The following SGCZ variants were observed in gnomAD, a reference collection of about 807,000 sequenced individuals.
SGCZ encodes the protein sarcoglycan zeta.
A neutral mutation model predicts 41.3 loss-of-function variants in SGCZ; 40 were observed. The observed-to-expected ratio is 0.97, with a 90% CI of 0.75 to 1.26. SGCZ has a LOEUF of 1.26. Ranked by LOEUF, SGCZ falls within the 50% of genes most tolerant of loss-of-function variation. The pLI is 0.00. For missense variants in SGCZ, 552 were observed against 369.8 expected (o/e 1.49, Z -4.04); for synonymous variants, 206 against 137.5 (o/e 1.50, Z -3.49).
Position 14,302,310 on chromosome 8 carries a change from A to G in SGCZ, c.336+21793T>C, listed in dbSNP as rs949798074. Among the ~76,000 whole-genome samples the G allele has an allele frequency of 3.9e-4, 60 of 152,298 alleles. 1 individual carries two copies. Among genetic ancestry groups the G allele is most frequent in the African/African-American group, 1.4e-3 (58 of 41,562 alleles). On this transcript the variant is annotated intron_variant, in intron 3 of 7. Transcript: ENST00000382080. ...TTCTCTTGAATTGATTGAACACGTA[A>G]TCTTGACTAATCCAGGTCACCCTTA... is the stretch of plus-strand genomic sequence containing the variant.
chr8:14,634,914 A>G (rs371411640), intron 1 of SGCZ, among the ~76,000 whole-genome samples: 5 of 151,932 alleles, frequency 3.3e-5, no homozygotes, highest in Non-Finnish European at 4.4e-5. Context: ...TTAAAAATAT[A>G]TACATAGTAA....
intron 1 of SGCZ, among the ~76,000 whole-genome samples, chr8:14,698,722 A>G (rs1233227465): frequency 1.3e-5 from 2 of 151,952 alleles, no homozygotes; most frequent in African/African-American, 4.8e-5. Flanking sequence ...AATCAGCACA[A>G]GTATGTTGTG....
chr8:15,018,749 G>T (rs1009938982), intron 1 of SGCZ, among the ~76,000 whole-genome samples: 2 of 152,178 alleles, frequency 1.3e-5, no homozygotes, highest in East Asian at 1.9e-4. Flanking sequence ...GTAGTAGTCC[G>T]TTCTCACACT....
intron 1 of SGCZ, among the ~76,000 whole-genome samples, chr8:14,756,125 G>C (rs1335548081): frequency 6.6e-6 from 1 of 151,854 alleles, no homozygotes; most frequent in Non-Finnish European, 1.5e-5. Flanking sequence ...AGAAATAAAG[G>C]ATAGGCTGGG....
At chr8:14,815,527 A>G (rs1801877747) in intron 1 of SGCZ, among the ~76,000 whole-genome samples, 4 of 152,174 alleles carry the variant, frequency 2.6e-5, no homozygotes, top group Admixed American at 6.5e-5. Flanking sequence ...GGAATAAATC[A>G]CTATGAATTC....
Position 14,964,162 on chromosome 8 carries a change from T to A in SGCZ, c.39+273423A>T, listed in dbSNP as rs118070179. Among the ~76,000 whole-genome samples, 378 of 152,326 alleles carry A rather than the reference T, an allele frequency of 2.5e-3. 6 individuals carry two copies. The East Asian group carries it at 0.025, about 10-fold the overall frequency. On this transcript the variant is annotated intron_variant, in intron 1 of 7. Transcript: ENST00000382080. ...CACTTCTTCCATTAAGTGATTTTTG[T>A]CACTACTGTTATTGCTAGATCACTT...
intron 1 of SGCZ, among the ~76,000 whole-genome samples, chr8:14,873,630 T>A (rs1448592940): frequency 6.6e-6 from 1 of 152,096 alleles, no homozygotes; most frequent in Non-Finnish European, 1.5e-5. Flanking sequence ...ACAGAGTATC[T>A]ACAATCAACC....
At chr8:14,558,441 G>C (rs1804099101) in intron 1 of SGCZ, among the ~76,000 whole-genome samples, 1 of 152,010 alleles carries the variant, frequency 6.6e-6, no homozygotes, top group Non-Finnish European at 1.5e-5. Context: ...TGGGTGTGGT[G>C]GTGGGTGCCT....
chr8:14,675,350 T>A (rs549629733), intron 1 of SGCZ, among the ~76,000 whole-genome samples: 103 of 152,050 alleles, frequency 6.8e-4, no homozygotes, highest in African/African-American at 2.4e-3. Flanking sequence ...CAAACATTTC[T>A]CTCTTTAGAA....
intron 2 of SGCZ, among the ~76,000 whole-genome samples, chr8:14,335,509 TCCGTTATA>T (rs1802478185): frequency 6.6e-6 from 1 of 152,152 alleles, no homozygotes; most frequent in African/African-American, 2.4e-5. Flanking sequence ...TAACATCTTA[TCCGTTATA>T]CCTTATTATA....
intron 1 of SGCZ, among the ~76,000 whole-genome samples, chr8:15,162,493 C>T (rs1377061025): frequency 6.6e-6 from 1 of 152,220 alleles, no homozygotes; most frequent in East Asian, 1.9e-4. Flanking sequence ...GATACTCCTT[C>T]ATGACTCAGT....
chr8:14,993,093 T>C (rs756854243), intron 1 of SGCZ, among the ~76,000 whole-genome samples: 6 of 152,210 alleles, frequency 3.9e-5, no homozygotes, highest in Non-Finnish European at 5.9e-5. Flanking sequence ...TCATACATCC[T>C]CTTCATACTA....
chr8:14,623,594 T>A (rs187032036), intron 1 of SGCZ, among the ~76,000 whole-genome samples: 1 of 152,310 alleles, frequency 6.6e-6, no homozygotes, highest in African/African-American at 2.4e-5. Context: ...TTCCTTTTAT[T>A]AGGATCTTAG....
chr8:14,395,091 C>G (rs11989327), intron 2 of SGCZ, among the ~76,000 whole-genome samples: 25,537 of 152,068 alleles, frequency 0.17, 5,065 homozygotes, highest in African/African-American at 0.48. Flanking sequence ...ACTTAAAACT[C>G]TAAGGAACAT....
At chr8:15,115,260 G>C (rs569671323) in intron 1 of SGCZ, among the ~76,000 whole-genome samples, 2 of 152,098 alleles carry the variant, frequency 1.3e-5, no homozygotes, top group African/African-American at 4.8e-5. Flanking sequence ...GAAGAGGCAC[G>C]TTTGTTTCTA....
intron 1 of SGCZ, among the ~76,000 whole-genome samples, chr8:14,858,569 T>A (rs1803619147): frequency 6.6e-6 from 1 of 152,286 alleles, no homozygotes; most frequent in Middle Eastern, 3.4e-3. Flanking sequence ...TCTTCTTTGA[T>A]ATTACAATGA....
intron 1 of SGCZ, among the ~76,000 whole-genome samples, chr8:15,131,562 T>C (rs1297836638): frequency 6.6e-6 from 1 of 152,248 alleles, no homozygotes; most frequent in Non-Finnish European, 1.5e-5. Context: ...TTTATTTTTA[T>C]GTCCAAATAA....
intron 1 of SGCZ, among the ~76,000 whole-genome samples, chr8:14,866,107 C>T (rs1585330504): frequency 2.0e-5 from 3 of 152,100 alleles, no homozygotes; most frequent in African/African-American, 7.2e-5. Flanking sequence ...AGAATCTTCA[C>T]AGGTAACATA....
At chr8:14,147,972 A>C (rs543767183) in intron 5 of SGCZ, among the ~76,000 whole-genome samples, 1 of 152,198 alleles carries the variant, frequency 6.6e-6, no homozygotes, top group South Asian at 2.1e-4. Flanking sequence ...CAATAAAGAA[A>C]TTAAGAAGGA....
Sources: gnomAD v4.1 joint callset for allele counts (sites outside exome capture counted in the v4.1 genomes callset) on GRCh38, gnomAD v4.1.1 for gene constraint, MANE v1.5 for transcripts, NCBI Gene and HGNC (gene_info 2026-07-23, HGNC 2026-07-21) for gene names.